COL19A1: variants seen among roughly 807,000 people sequenced by gnomAD.
The protein encoded by COL19A1 is collagen alpha-1(XIX) chain.
COL19A1 carries 159 observed loss-of-function variants against 190.2 expected under a neutral mutation model. The observed-to-expected ratio is 0.84, with a 90% CI of 0.73 to 0.95. The LOEUF (loss-of-function observed/expected upper bound fraction) is 0.95. COL19A1 is among the 40% of genes least tolerant of loss of function. COL19A1 has a pLI of 0.00. For synonymous variants in COL19A1, 509 were observed against 458.9 expected (o/e 1.11, Z -1.39); for missense variants, 1,418 against 1,431.9 (o/e 0.99, Z 0.16).
chr6:70,137,598 G>T, intron 18 of COL19A1, 87 bp from the exon 19 acceptor site: 1 of 1,221,750 alleles, frequency 8.2e-7, no homozygotes, highest in Non-Finnish European at 1.2e-6. Context: ...TAGTTAGCAG[G>T]AGAGCAAGCA....
At chr6:69,879,745 C>A in intron 2 of COL19A1, 87 bp downstream of exon 2, 1 of 1,161,074 alleles carries the variant, frequency 8.6e-7, no homozygotes, top group Non-Finnish European at 1.3e-6. Context: ...ATTGAAAAGG[C>A]CATAGATTAA....
chr6:70,050,804 C>T (rs1363920186), intron 14 of COL19A1, among the ~76,000 whole-genome samples: 1 of 152,002 alleles, frequency 6.6e-6, no homozygotes, highest in Non-Finnish European at 1.5e-5. Flanking sequence ...GAAAGTCACG[C>T]TTTTTGTGAG....
intron 11 of COL19A1, among the ~76,000 whole-genome samples, chr6:69,990,008 A>G (rs1379137685): frequency 6.6e-6 from 1 of 152,058 alleles, no homozygotes; most frequent in African/African-American, 2.4e-5. Flanking sequence ...TTCTCATTGC[A>G]TATCAAAAAG....
chr6:70,010,401 C>T (rs1378763304), intron 11 of COL19A1, among the ~76,000 whole-genome samples: 4 of 136,258 alleles, frequency 2.9e-5, no homozygotes, highest in African/African-American at 5.3e-5. Context: ...CAGCTCCCAG[C>T]GTGAGCGACG....
intron 18 of COL19A1, among the ~76,000 whole-genome samples, chr6:70,136,910 A>G (rs933538593): frequency 6.6e-6 from 1 of 152,170 alleles, no homozygotes; most frequent in Non-Finnish European, 1.5e-5. Flanking sequence ...TCAGCATTAC[A>G]TATCTTCTAG....
At chr6:70,084,774 CTGTT>C (rs1453146761) in intron 15 of COL19A1, among the ~76,000 whole-genome samples, 2 of 152,160 alleles carry the variant, frequency 1.3e-5, no homozygotes, top group African/African-American at 2.4e-5. Flanking sequence ...ATAAGGAGGG[CTGTT>C]TGTTGTTTGA....
intron 15 of COL19A1, among the ~76,000 whole-genome samples, chr6:70,099,010 C>A (rs949834331): frequency 5.7e-5 from 8 of 140,040 alleles, no homozygotes; most frequent in East Asian, 2.1e-4. Flanking sequence ...TCACTTCAGT[C>A]CAGGAGTTCG....
intron 36 of COL19A1, among the ~76,000 whole-genome samples, chr6:70,164,275 AAGATCTAAACT>A (rs1787993527): frequency 6.6e-6 from 1 of 152,160 alleles, no homozygotes; most frequent in Non-Finnish European, 1.5e-5. Context: ...TACCCCATTT[AAGATCTAAACT>A]GGCTCTATTG....
At chr6:70,006,978 T>C (rs901736020) in intron 11 of COL19A1, among the ~76,000 whole-genome samples, 8 of 151,986 alleles carry the variant, frequency 5.3e-5, no homozygotes, top group African/African-American at 1.9e-4. Context: ...ATGCTAAAAA[T>C]ATTTGTTGAA....
intron 3 of COL19A1, 131 bp downstream of exon 3, chr6:69,899,153 G>T: frequency 2.0e-5 from 11 of 557,752 alleles, no homozygotes; most frequent in East Asian, 3.2e-5. Context: ...AAAATTTTAA[G>T]AATTCTTTTT....
chr6:69,962,760 T>C, intron 10 of COL19A1, 66 bp from the exon 11 acceptor site: 6 of 1,096,036 alleles, frequency 5.5e-6, no homozygotes, highest in Non-Finnish European at 5.2e-6. Context: ...TAATTTTTAT[T>C]GTAAAAATTG....
chr6:69,995,764 A>AAATGT (rs1205903152), intron 11 of COL19A1, among the ~76,000 whole-genome samples: 1 of 152,186 alleles, frequency 6.6e-6, no homozygotes, highest in African/African-American at 2.4e-5. Flanking sequence ...GAACCAAGTT[A>AAATGT]AATGTACAAT....
At chr6:70,191,190 G>GA (rs1251296454) in intron 48 of COL19A1, among the ~76,000 whole-genome samples, 1 of 152,074 alleles carries the variant, frequency 6.6e-6, no homozygotes, top group East Asian at 1.9e-4. Context: ...TTGCTTTTTG[G>GA]AAAAAAGCAT....
Position 69,898,938 on chromosome 6 carries a change from T to G in COL19A1, c.92-10T>G. 6.3e-7 allele frequency: 1 copy of G among 1,575,162 alleles called. No homozygotes were observed. The highest frequency in any genetic ancestry group is 1.3e-5 in the African/African-American group (1 of 74,086). Reference sequence around the variant, plus strand: ...TGCAAATCCTCTATGCTTTTTTTCTTTTTAAATAGAAGAGTCATGCCCTAT... The same window carrying G: ...TGCAAATCCTCTATGCTTTTTTTCTGTTTAAATAGAAGAGTCATGCCCTAT... On this transcript the variant is annotated splice_polypyrimidine_tract_variant and intron_variant, in intron 2 of 50. Transcript: ENST00000620364.
chr6:69,977,268 A>T (rs900417056), intron 11 of COL19A1, among the ~76,000 whole-genome samples: 1 of 152,132 alleles, frequency 6.6e-6, no homozygotes, highest in African/African-American at 2.4e-5. Context: ...TTGTAGGGAC[A>T]TGGATGAAGC....
chr6:70,168,632 G>T, intron 39 of COL19A1, 23 bp from the exon 40 acceptor site: 2 of 1,611,258 alleles, frequency 1.2e-6, no homozygotes, highest in African/African-American at 2.7e-5. Context: ...TTTGAAAAAT[G>T]ACTTTCCATG....
chr6:70,180,210 C>G, intron 42 of COL19A1, 102 bp from the exon 43 acceptor site: 6 of 1,333,366 alleles, frequency 4.5e-6, no homozygotes, highest in Non-Finnish European at 6.4e-6. Flanking sequence ...AGAGCATCAC[C>G]CTTGGGAGCA....
intron 11 of COL19A1, among the ~76,000 whole-genome samples, chr6:69,973,370 T>C (rs1468343047): frequency 6.6e-6 from 1 of 152,182 alleles, no homozygotes; most frequent in Non-Finnish European, 1.5e-5. Context: ...CCCCCACTGC[T>C]TTCTTTTTCA....
At chr6:70,101,735 G>A (rs1409448466) in intron 15 of COL19A1, among the ~76,000 whole-genome samples, 4 of 152,230 alleles carry the variant, frequency 2.6e-5, no homozygotes, top group Middle Eastern at 3.4e-3. Context: ...GAATATGCAT[G>A]TTTAACACCC....
Sources: gnomAD v4.1 joint callset for allele counts (sites outside exome capture counted in the v4.1 genomes callset) on GRCh38, gnomAD v4.1.1 for gene constraint, MANE v1.5 for transcripts, NCBI Gene and HGNC (gene_info 2026-07-23, HGNC 2026-07-21) for gene names.